Variants in TMEM62 observed in about 807,000 individuals in gnomAD.
The protein encoded by TMEM62 is transmembrane protein 62.
A neutral mutation model predicts 70.4 loss-of-function variants in TMEM62; 41 were observed. The ratio of observed to expected loss-of-function variants is 0.58; its 90% confidence interval spans 0.45 to 0.76. The LOEUF (loss-of-function observed/expected upper bound fraction) is 0.76. Among genes scored for constraint, TMEM62 ranks in the 30% least tolerant of loss-of-function variants. The pLI is 0.00. For synonymous variants in TMEM62, 268 were observed against 291.0 expected, an observed-to-expected ratio of 0.92 and a Z score of 0.80; for missense variants, 688 against 788.5, an observed-to-expected ratio of 0.87 and a Z score of 1.53.
chr15:43,168,137 T>C (rs922711433), intron 10 of TMEM62, among the ~76,000 whole-genome samples: 1 of 95,172 alleles, frequency 1.1e-5, no homozygotes, highest in African/African-American at 4.2e-5. Flanking sequence ...AGGGAGACCG[T>C]GGGGAGAGAG....
At chr15:43,158,819 G>C (rs749634520) in intron 9 of TMEM62, among the ~76,000 whole-genome samples, 2 of 152,104 alleles carry the variant, frequency 1.3e-5, no homozygotes, top group Admixed American at 6.6e-5. Flanking sequence ...TTTAGTATCT[G>C]CCAAAGGTGA....
Position 43,177,022 on chromosome 15 carries a change from G to A in TMEM62, c.1382-1585G>A, listed in dbSNP as rs1434102017. On this transcript the variant is annotated intron_variant, in intron 11 of 13. Transcript: ENST00000260403. ...CTGATGGAGCTGAAAGCCAAGGCTCGAGAACTACGTGAAGAATGTAGAAGC... is the reference window on the plus strand; with the variant it reads ...CTGATGGAGCTGAAAGCCAAGGCTCAAGAACTACGTGAAGAATGTAGAAGC... 3.3e-5 allele frequency among the ~76,000 whole-genome samples: 5 copies of A among 152,190 alleles called. 1 individual carries two copies. Among genetic ancestry groups the A allele is most frequent in the African/African-American group, 7.2e-5 (3 of 41,458 alleles).
chr15:43,182,933 A>C (rs1209777927), intron 13 of TMEM62, among the ~76,000 whole-genome samples: 1 of 152,198 alleles, frequency 6.6e-6, no homozygotes, highest in African/African-American at 2.4e-5. Context: ...TGAATCCCAA[A>C]TCTATATCTC....
chr15:43,173,859 T>A (rs2142022869), intron 11 of TMEM62, among the ~76,000 whole-genome samples: 1 of 148,246 alleles, frequency 6.7e-6, no homozygotes, highest in Non-Finnish European at 1.5e-5. Flanking sequence ...CAGGAACTTT[T>A]TTTTTTTTTT....
At chr15:43,169,797 C>A in intron 11 of TMEM62, 120 bp downstream of exon 11, 1 of 779,316 alleles carries the variant, frequency 1.3e-6, no homozygotes, top group Non-Finnish European at 2.0e-6. Flanking sequence ...AGGGAAAACA[C>A]AAACTCAAGA....
chr15:43,155,092 A>G (rs1359130948), intron 9 of TMEM62, among the ~76,000 whole-genome samples: 1 of 152,106 alleles, frequency 6.6e-6, no homozygotes, highest in African/African-American at 2.4e-5. Flanking sequence ...GGCTGGGCAC[A>G]GTGGCATGTG....
intron 5 of TMEM62, among the ~76,000 whole-genome samples, chr15:43,147,120 T>A (rs1596240121): frequency 6.6e-6 from 1 of 152,112 alleles, no homozygotes; most frequent in Non-Finnish European, 1.5e-5. Flanking sequence ...CGTGCCACCA[T>A]GCCCAGCTAA....
chr15:43,150,874 G>T (rs564224898), intron 7 of TMEM62, among the ~76,000 whole-genome samples: 1 of 152,122 alleles, frequency 6.6e-6, no homozygotes, highest in African/African-American at 2.4e-5. Flanking sequence ...GGAAATTCAG[G>T]GGAATGTGTA....
chr15:43,184,613 GGCAGAAGCCCA>G lies in TMEM62; in HGVS notation c.*30_*40del. The stretch of plus-strand genomic sequence containing the variant: ...GGCCATGTCTCACCACTGGCAGCTG[GGCAGAAGCCCA>G]GCCTCTGTGTCTGTAGCCCAGGCCT... On this transcript the variant is annotated 3_prime_UTR_variant, in exon 14 of 14. Coordinates refer to ENST00000260403, the MANE Select transcript of TMEM62 (RefSeq NM_024956.4). 1 of 1,595,300 alleles carries G rather than the reference GGCAGAAGCCCA, an allele frequency of 6.3e-7. No individual in the cohort carries two copies. The highest frequency in any genetic ancestry group is 8.5e-7 in the Non-Finnish European group (1 of 1,173,042).
At chr15:43,160,987 T>C (rs1442022904) in intron 10 of TMEM62, among the ~76,000 whole-genome samples, 193 bp downstream of exon 10, 1 of 152,172 alleles carries the variant, frequency 6.6e-6, no homozygotes, top group African/African-American at 2.4e-5. Flanking sequence ...TTATAGTATA[T>C]TGTTATAATT....
intron 11 of TMEM62, among the ~76,000 whole-genome samples, chr15:43,174,113 C>T (rs1457709976): frequency 6.6e-6 from 1 of 152,118 alleles, no homozygotes; most frequent in Non-Finnish European, 1.5e-5. Flanking sequence ...GATCCGCCTA[C>T]CTCAGACTCG....
chr15:43,183,116 T>A lies in TMEM62; in HGVS notation c.1606-1144T>A, dbSNP rs2041513270. ...TAAATGACTCCACCATTCACCTGAT[T>A]TCTCCAAGATGTATCCTCAATTATT... is the stretch of plus-strand genomic sequence containing the variant. On this transcript the variant is annotated intron_variant, in intron 13 of 13. Transcript: ENST00000260403. 2.0e-5 allele frequency among the ~76,000 whole-genome samples: 3 copies of A among 152,220 alleles called. No individual in the cohort carries two copies. In the South Asian group the frequency reaches 6.2e-4, roughly 32 times the overall value.
intron 10 of TMEM62, among the ~76,000 whole-genome samples, chr15:43,168,182 A>AGAGGGAGAGGGG (rs2039788742): frequency 1.7e-5 from 1 of 59,762 alleles, no homozygotes; most frequent in Non-Finnish European, 3.4e-5. Flanking sequence ...ACGGAGACGG[A>AGAGGGAGAGGGG]GAGGGAGAGG....
intron 11 of TMEM62, among the ~76,000 whole-genome samples, chr15:43,171,511 T>C (rs2141997339): frequency 6.6e-6 from 1 of 152,004 alleles, no homozygotes; most frequent in African/African-American, 2.4e-5. Context: ...TAACTAATTA[T>C]TTTACCATAA....
intron 11 of TMEM62, chr15:43,169,890 C>G: frequency 2.1e-6 from 1 of 470,690 alleles, no homozygotes; most frequent in Non-Finnish European, 3.8e-6. Flanking sequence ...TAGGAAAAGA[C>G]ATAAAGCAAT....
chr15:43,162,433 C>CTTTTTTTTTT (rs1169921008), intron 10 of TMEM62, among the ~76,000 whole-genome samples: 11 of 137,022 alleles, frequency 8.0e-5, no homozygotes, highest in African/African-American at 3.4e-4. Context: ...GCCCCTGGCC[C>CTTTTTTTTTT]TTTTTTTTTT....
rs756846242 is a variant in TMEM62, at chr15:43,134,303, T to C, written c.227T>C (p.Val76Ala). 1 of 1,614,048 alleles carries C rather than the reference T, an allele frequency of 6.2e-7. No individual in the cohort carries two copies. Among genetic ancestry groups the C allele is most frequent in the African/African-American group, 1.3e-5 (1 of 74,926 alleles). ...AGGTTTCGAGATCCAGGCAGAGCGG[T>C]AGACTTAGAGAAATTCTGTTCTGAA... Reference protein sequence around the residue: ...LSRFRDPGRAVDLEKFCSETI... With the variant: ...LSRFRDPGRAADLEKFCSETI... Residue 76 changes from valine to alanine, a missense_variant, in exon 2 of 14, where the codon GTA (valine) becomes GCA (alanine). Coordinates refer to ENST00000260403, the MANE Select transcript of TMEM62 (RefSeq NM_024956.4).
At chr15:43,176,538 G>C (rs1026868222) in intron 11 of TMEM62, among the ~76,000 whole-genome samples, 6 of 152,190 alleles carry the variant, frequency 3.9e-5, no homozygotes, top group Non-Finnish European at 8.8e-5. Flanking sequence ...AAAATCCGCT[G>C]TTCTGCAGCC....
At chr15:43,150,595 A>G (rs543497686) in intron 7 of TMEM62, among the ~76,000 whole-genome samples, 3 of 152,256 alleles carry the variant, frequency 2.0e-5, no homozygotes, top group African/African-American at 7.2e-5. Context: ...AAATCCAGAA[A>G]TATCAGTGGC....
Sources: gnomAD v4.1 joint callset for allele counts (sites outside exome capture counted in the v4.1 genomes callset) on GRCh38, gnomAD v4.1.1 for gene constraint, MANE v1.5 for transcripts, NCBI Gene and HGNC (gene_info 2026-07-23, HGNC 2026-07-21) for gene names.